Variants in TEX9 observed in about 807,000 individuals in gnomAD.
TEX9 encodes the protein testis-expressed protein 9.
Under a neutral mutation model 59.6 loss-of-function variants are expected in TEX9, and 74 were observed. The observed-to-expected ratio is 1.24, with a 90% CI of 1.03 to 1.51. The LOEUF is 1.51. TEX9 is among the 40% of genes most tolerant of loss of function. The pLI is 0.00. For missense variants in TEX9, 522 were observed against 447.8 expected, an observed-to-expected ratio of 1.17 and a Z score of -1.49; for synonymous variants, 186 against 152.2, an observed-to-expected ratio of 1.22 and a Z score of -1.64.
At chr15:56,361,737 G>T (rs2046792847), upstream of TEX9, among the ~76,000 whole-genome samples, 1 of 147,014 alleles carries the variant, frequency 6.8e-6, no homozygotes, top group African/African-American at 2.7e-5. Flanking sequence ...TGAAAAGCAG[G>T]AATGCCATGC....
At chr15:56,345,901 G>A (rs534907059) in intron 1 of TEX9, among the ~76,000 whole-genome samples, 1 of 152,226 alleles carries the variant, frequency 6.6e-6, no homozygotes, top group African/African-American at 2.4e-5. Context: ...GTCCGTGGCT[G>A]GATTCTGGGC....
intron 4 of TEX9, among the ~76,000 whole-genome samples, chr15:56,384,613 T>A (rs1383367163): frequency 6.6e-6 from 1 of 152,174 alleles, no homozygotes; most frequent in Non-Finnish European, 1.5e-5. Flanking sequence ...TTGCTAATGT[T>A]GAAATTGGTA....
intron 10 of TEX9, chr15:56,421,546 G>A (rs2049977151): frequency 6.6e-6 from 1 of 151,704 alleles, no homozygotes. Flanking sequence ...TGTTAGCATT[G>A]TCTTGTCTTT....
chr15:56,403,787 T>C (rs536514435), intron 9 of TEX9, among the ~76,000 whole-genome samples: 2 of 152,248 alleles, frequency 1.3e-5, no homozygotes, highest in East Asian at 1.9e-4. Flanking sequence ...AACAGAGATA[T>C]AGACCAATGG....
chr15:56,293,624 G>C (rs1312591590), intron 1 of TEX9, among the ~76,000 whole-genome samples: 1 of 152,178 alleles, frequency 6.6e-6, no homozygotes, highest in Admixed American at 6.5e-5. Flanking sequence ...TTGGGCCGCA[G>C]GGTATCAGTT....
intron 1 of TEX9, among the ~76,000 whole-genome samples, chr15:56,271,348 T>C (rs571527260): frequency 3.9e-5 from 6 of 152,232 alleles, no homozygotes; most frequent in Non-Finnish European, 5.9e-5. Context: ...TTACTCTTTT[T>C]TCTCTAAACT....
chr15:56,326,674 C>A (rs2046026182), intron 1 of TEX9, among the ~76,000 whole-genome samples: 1 of 152,090 alleles, frequency 6.6e-6, no homozygotes, highest in South Asian at 2.1e-4. Context: ...AGCCAGCTGT[C>A]AGGGTGGGCA....
chr15:56,365,467 T>C, exon 1 of TEX9: 1 of 1,613,522 alleles, frequency 6.2e-7, no homozygotes, highest in Non-Finnish European at 8.5e-7. Context: ...GGGCGAAGTC[T>C]GTGTCTCACG....
intron 1 of TEX9, among the ~76,000 whole-genome samples, chr15:56,281,482 G>C (rs1163114250): frequency 6.6e-6 from 1 of 152,160 alleles, no homozygotes; most frequent in East Asian, 1.9e-4. Flanking sequence ...TAGGTTGTGC[G>C]CTCCTTATGA....
intron 12 of TEX9, among the ~76,000 whole-genome samples, chr15:56,445,262 C>T (rs1294901459): frequency 6.6e-6 from 1 of 152,018 alleles, no homozygotes; most frequent in African/African-American, 2.4e-5. Context: ...GCTTTTAATT[C>T]ACTCAAGACC....
chr15:56,443,883 T>A, intron 12 of TEX9: 3 of 1,450,100 alleles, frequency 2.1e-6, no homozygotes, highest in Non-Finnish European at 2.8e-6. Context: ...TACAGATTTA[T>A]AGTAAACAAT....
intron 1 of TEX9, among the ~76,000 whole-genome samples, chr15:56,330,727 A>G (rs1317712997): frequency 3.3e-5 from 5 of 152,034 alleles, no homozygotes; most frequent in African/African-American, 1.2e-4. Context: ...GGAAATCACC[A>G]TCAAAAAGGA....
chr15:56,298,394 A>G (rs551874822), intron 1 of TEX9, among the ~76,000 whole-genome samples: 121 of 152,334 alleles, frequency 7.9e-4, no homozygotes, highest in Non-Finnish European at 1.4e-3. Context: ...TCTAAATTGT[A>G]TACTAGCTTT....
intron 12 of TEX9, chr15:56,434,358 A>G (rs2050681538): frequency 6.2e-7 from 1 of 1,613,000 alleles, no homozygotes; most frequent in Non-Finnish European, 8.5e-7. Flanking sequence ...ATCTTGCTTC[A>G]TCTCTTTTTG....
At chr15:56,285,455 T>G (rs2044930900) in intron 1 of TEX9, among the ~76,000 whole-genome samples, 1 of 152,192 alleles carries the variant, frequency 6.6e-6, no homozygotes, top group African/African-American at 2.4e-5. Flanking sequence ...TGGGAAAATC[T>G]TCTACTAAAC....
intron 12 of TEX9, chr15:56,443,579 A>C (rs762493342): frequency 2.5e-6 from 4 of 1,584,198 alleles, no homozygotes; most frequent in Non-Finnish European, 3.4e-6. Flanking sequence ...ATAGGATCCA[A>C]ATTCTGTAAC....
chr15:56,454,777 T>C, the TEX9 span, among the ~76,000 whole-genome samples: 2 of 152,170 alleles, frequency 1.3e-5, no homozygotes, highest in Non-Finnish European at 2.9e-5. Flanking sequence ...ATAGCCCGTA[T>C]CTCTTTTAAA....
chr15:56,381,458 G>A (rs2047722203), intron 3 of TEX9, among the ~76,000 whole-genome samples: 1 of 152,158 alleles, frequency 6.6e-6, no homozygotes, highest in Admixed American at 6.5e-5. Context: ...CTTGATACTT[G>A]TAGATGTTTG....
intron 3 of TEX9, chr15:56,374,162 A>C (rs957943192): frequency 6.6e-6 from 1 of 151,966 alleles, no homozygotes; most frequent in Non-Finnish European, 1.5e-5. Flanking sequence ...AGTTTTTGCC[A>C]GTGTCTGAAA....
Sources: gnomAD v4.1 joint callset for allele counts (sites outside exome capture counted in the v4.1 genomes callset) on GRCh38, gnomAD v4.1.1 for gene constraint, MANE v1.5 for transcripts, NCBI Gene and HGNC (gene_info 2026-07-23, HGNC 2026-07-21) for gene names.